Variants in PBRM1 observed in about 807,000 individuals in gnomAD.
PBRM1 encodes protein polybromo-1.
PBRM1 carries 27 observed loss-of-function variants against 194.5 expected under a neutral mutation model. That is an observed-to-expected ratio of 0.14 (90% confidence interval 0.10 to 0.19). The LOEUF is 0.19. Ranked by LOEUF, PBRM1 falls within the 10% of genes least tolerant of loss-of-function variation. The pLI is 1.00. For synonymous variants in PBRM1, 655 were observed against 693.2 expected, an observed-to-expected ratio of 0.94 and a Z score of 0.87; for missense variants, 1,466 against 2,077.2, an observed-to-expected ratio of 0.71 and a Z score of 5.72.
chr3:52,635,084 C>G (rs2095756829), intron 10 of PBRM1, among the ~76,000 whole-genome samples: 1 of 152,054 alleles, frequency 6.6e-6, no homozygotes, highest in Non-Finnish European at 1.5e-5. Flanking sequence ...CACCATCACA[C>G]CCAGCTAATT....
chr3:52,679,568 A>G lies in PBRM1; in HGVS notation c.138+6T>C. On this transcript the variant is annotated splice_donor_region_variant and intron_variant, in intron 1 of 29. Transcript: ENST00000296302. ...AGGCAGAAACCATGTAATCCAAGTT[A>G]CTCACAGGATCTACAGTTGGAAGAT... 3.1e-6 allele frequency: 5 copies of G among 1,610,374 alleles called. No individual in the cohort carries two copies. The highest frequency in any genetic ancestry group is 4.2e-6 in the Non-Finnish European group (5 of 1,178,190).
At chr3:52,640,785 G>A (rs1255549507) in intron 10 of PBRM1, among the ~76,000 whole-genome samples, 1 of 151,568 alleles carries the variant, frequency 6.6e-6, no homozygotes, top group African/African-American at 2.4e-5. Context: ...CTACAGGTGC[G>A]CTCCACCATA....
intron 24 of PBRM1, 36 bp from the exon 27 acceptor site, chr3:52,562,004 A>T: frequency 6.5e-7 from 1 of 1,545,460 alleles, no homozygotes; most frequent in Non-Finnish European, 8.9e-7. Context: ...GCATCAAAAC[A>T]TTACATTTGG....
At chr3:52,600,701 C>T (rs776902341) in intron 17 of PBRM1, among the ~76,000 whole-genome samples, 37 of 152,146 alleles carry the variant, frequency 2.4e-4, no homozygotes, top group Non-Finnish European at 4.7e-4. Context: ...TGCAATGGCG[C>T]GATCTTAGCT....
intron 20 of PBRM1, among the ~76,000 whole-genome samples, chr3:52,585,193 G>T (rs1368809820): frequency 6.6e-6 from 1 of 152,018 alleles, no homozygotes; most frequent in Non-Finnish European, 1.5e-5. Flanking sequence ...GCAGTTTTTT[G>T]TTTTTATTTT....
chr3:52,622,574 C>A (rs2153539931), intron 13 of PBRM1, among the ~76,000 whole-genome samples: 1 of 152,294 alleles, frequency 6.6e-6, no homozygotes, highest in Middle Eastern at 3.4e-3. Flanking sequence ...AGCAGAGGCT[C>A]TATTCTGAAT....
chr3:52,578,123 T>C (rs2090160775), intron 21 of PBRM1, among the ~76,000 whole-genome samples: 1 of 152,178 alleles, frequency 6.6e-6, no homozygotes, highest in Non-Finnish European at 1.5e-5. Flanking sequence ...CTCAGTTTCT[T>C]CAAGTGTTGG....
At chr3:52,619,790 T>C (rs1414539018) in intron 13 of PBRM1, among the ~76,000 whole-genome samples, 1 of 152,170 alleles carries the variant, frequency 6.6e-6, no homozygotes, top group Non-Finnish European at 1.5e-5. Context: ...AATTAACAGT[T>C]GAGAAAATAA....
At chr3:52,552,681 A>T (rs2081266777) in intron 27 of PBRM1, among the ~76,000 whole-genome samples, 1 of 152,214 alleles carries the variant, frequency 6.6e-6, no homozygotes, top group Non-Finnish European at 1.5e-5. Context: ...ACACCCACCA[A>T]AAGACATCTG....
At chr3:52,588,858 G>C (rs554057606) in intron 18 of PBRM1, among the ~76,000 whole-genome samples, 1 of 152,244 alleles carries the variant, frequency 6.6e-6, no homozygotes, top group East Asian at 1.9e-4. Flanking sequence ...GCCCGACCTA[G>C]AAGCTGTATT....
chr3:52,593,083 C>T (rs2093250080), intron 17 of PBRM1, among the ~76,000 whole-genome samples: 1 of 152,034 alleles, frequency 6.6e-6, no homozygotes, highest in South Asian at 2.1e-4. Context: ...ATCTTACCAA[C>T]TTTTTCAAAA....
chr3:52,546,691 C>T (rs569081047), downstream of PBRM1: 11 of 232,658 alleles, frequency 4.7e-5, no homozygotes, highest in Admixed American at 4.5e-4. Flanking sequence ...AAAAACATGC[C>T]GCCAAGTGAA....
chr3:52,635,376 G>A (rs1420607248), intron 10 of PBRM1, among the ~76,000 whole-genome samples: 3 of 152,076 alleles, frequency 2.0e-5, no homozygotes, highest in African/African-American at 7.2e-5. Flanking sequence ...GACCAGCGTG[G>A]CCAACATGGT....
chr3:52,598,694 G>C (rs2093751412), intron 17 of PBRM1, among the ~76,000 whole-genome samples: 1 of 151,956 alleles, frequency 6.6e-6, no homozygotes. Flanking sequence ...AACCAGCCTG[G>C]GCAACACAGC....
At chr3:52,654,100 A>T (rs2096562848) in intron 5 of PBRM1, among the ~76,000 whole-genome samples, 1 of 152,110 alleles carries the variant, frequency 6.6e-6, no homozygotes, top group African/African-American at 2.4e-5. Flanking sequence ...CAAATATCAA[A>T]AGTTGGTCTT....
exon 12 of PBRM1, chr3:52,628,907 T>C (rs774975430): frequency 1.9e-6 from 3 of 1,613,906 alleles, no homozygotes; most frequent in Non-Finnish European, 2.5e-6. Flanking sequence ...CATAACTTGC[T>C]GCAATTTTAG....
rs148025703 is a variant in PBRM1, at chr3:52,666,708, C to A, written c.384+1790G>T. On this transcript the variant is annotated intron_variant, in intron 3 of 29. Transcript: ENST00000296302. ...GAGTTCAAGACTAGCCTGGGCAACA[C>A]GGTGAAATCCCGTCTCTATCAAAAA... 1.1e-3 allele frequency among the ~76,000 whole-genome samples: 173 copies of A among 151,592 alleles called. 1 individual carries two copies. The highest frequency in any genetic ancestry group is 3.8e-3 in the African/African-American group (156 of 41,350).
chr3:52,595,125 T>C (rs1319995849), intron 17 of PBRM1, among the ~76,000 whole-genome samples: 2 of 152,158 alleles, frequency 1.3e-5, no homozygotes, highest in African/African-American at 4.8e-5. Context: ...ATTGTCAGAG[T>C]TCTTGTGCTG....
chr3:52,603,976 G>A (rs1183992681), intron 16 of PBRM1, among the ~76,000 whole-genome samples: 2 of 152,068 alleles, frequency 1.3e-5, no homozygotes, highest in Non-Finnish European at 2.9e-5. Flanking sequence ...CATGAAAAAC[G>A]AAAGGCCTCA....
Sources: gnomAD v4.1 joint callset for allele counts (sites outside exome capture counted in the v4.1 genomes callset) on GRCh38, gnomAD v4.1.1 for gene constraint, MANE v1.5 for transcripts, NCBI Gene and HGNC (gene_info 2026-07-23, HGNC 2026-07-21) for gene names.